The following VTI1A variants were observed in gnomAD, a reference collection of about 807,000 sequenced individuals.
VTI1A encodes the protein vesicle transport through interaction with t-SNAREs 1A, also known as vesicle transport through interaction with t-SNAREs homolog 1A.
Under a neutral mutation model 34.9 loss-of-function variants are expected in VTI1A, and 22 were observed. The ratio of observed to expected loss-of-function variants is 0.63; its 90% CI spans 0.45 to 0.90. The LOEUF (loss-of-function observed/expected upper bound fraction) is 0.90. Ranked by LOEUF, VTI1A falls within the 40% of genes least tolerant of loss-of-function variation. The pLI, the probability that VTI1A is intolerant of heterozygous loss-of-function variation, is 0.00. For missense variants in VTI1A, 268 were observed against 275.6 expected (o/e 0.97, Z 0.20); for synonymous variants, 87 against 97.3 (o/e 0.89, Z 0.62).
Position 112,613,990 on chromosome 10 carries a change from A to T in VTI1A, c.428-54228A>T, listed in dbSNP as rs575947504. Among the ~76,000 whole-genome samples the T allele has an allele frequency of 5.9e-5, 9 of 152,206 alleles. No individual in the cohort carries two copies. The East Asian group carries it at 1.7e-3, about 29-fold the overall frequency. ...TTTTCGTCCATTTTTCCCATTCAGC[A>T]GTCTCTAGAAATCCATGTTTCATAT... On this transcript the variant is annotated intron_variant, in intron 5 of 7. Transcript: ENST00000393077.
intron 3 of VTI1A, among the ~76,000 whole-genome samples, chr10:112,500,289 G>A (rs1458731244): frequency 6.6e-6 from 1 of 152,036 alleles, no homozygotes; most frequent in East Asian, 1.9e-4. Flanking sequence ...ACAAAAATTA[G>A]CTGGGTGTGG....
intron 7 of VTI1A, among the ~76,000 whole-genome samples, chr10:112,746,776 C>A (rs985710486): frequency 2.6e-5 from 4 of 152,202 alleles, no homozygotes; most frequent in African/African-American, 4.8e-5. Flanking sequence ...GCTGCTATCA[C>A]GGCTGATGGA....
chr10:112,526,718 A>C (rs1589863123), intron 3 of VTI1A, among the ~76,000 whole-genome samples: 1 of 152,266 alleles, frequency 6.6e-6, no homozygotes, highest in East Asian at 1.9e-4. Flanking sequence ...GAAAAAAAAA[A>C]ACATATACTC....
At chr10:112,568,117 A>C (rs1327175438) in intron 5 of VTI1A, among the ~76,000 whole-genome samples, 12 of 151,756 alleles carry the variant, frequency 7.9e-5, no homozygotes, top group Admixed American at 2.0e-4. Flanking sequence ...TCAGATATAA[A>C]GAAAAAATAT....
intron 7 of VTI1A, among the ~76,000 whole-genome samples, chr10:112,720,442 G>A (rs533824119): frequency 7.2e-5 from 11 of 152,282 alleles, no homozygotes; most frequent in African/African-American, 2.4e-4. Flanking sequence ...GCTTTGGTTT[G>A]CATTTCCCTA....
At chr10:112,603,944 T>C (rs1844976945) in intron 5 of VTI1A, among the ~76,000 whole-genome samples, 1 of 152,220 alleles carries the variant, frequency 6.6e-6, no homozygotes, top group African/African-American at 2.4e-5. Flanking sequence ...TAAGCCCACC[T>C]GGCTCACTGT....
At chr10:112,623,619 C>G (rs539688295) in intron 5 of VTI1A, among the ~76,000 whole-genome samples, 1 of 152,156 alleles carries the variant, frequency 6.6e-6, no homozygotes, top group East Asian at 1.9e-4. Flanking sequence ...GGTCTTAGAA[C>G]AAGAGATTGG....
chr10:112,497,065 C>G (rs183599238), intron 3 of VTI1A, among the ~76,000 whole-genome samples: 5 of 152,280 alleles, frequency 3.3e-5, no homozygotes, highest in South Asian at 2.1e-4. Flanking sequence ...TGCCTGTAAT[C>G]TCAGCACTTT....
At chr10:112,489,475 T>A (rs1042598572) in intron 3 of VTI1A, among the ~76,000 whole-genome samples, 1 of 152,226 alleles carries the variant, frequency 6.6e-6, no homozygotes, top group Non-Finnish European at 1.5e-5. Flanking sequence ...GAACTGCTCT[T>A]TGGGGAAATT....
At chr10:112,653,536 G>A (rs1447277609) in intron 5 of VTI1A, among the ~76,000 whole-genome samples, 1 of 152,124 alleles carries the variant, frequency 6.6e-6, no homozygotes, top group Non-Finnish European at 1.5e-5. Context: ...GCCAACCTTG[G>A]GCAAATTACT....
intron 5 of VTI1A, among the ~76,000 whole-genome samples, chr10:112,550,920 C>T (rs1020248708): frequency 1.3e-5 from 2 of 152,150 alleles, no homozygotes; most frequent in African/African-American, 4.8e-5. Context: ...TCCTGGTCTA[C>T]ATGAAAAGGT....
chr10:112,820,205 C>A (rs1853629229), downstream of VTI1A, among the ~76,000 whole-genome samples: 1 of 152,240 alleles, frequency 6.6e-6, no homozygotes, highest in Non-Finnish European at 1.5e-5. Context: ...ACATGACAAT[C>A]TGTCCCCCTT....
intron 7 of VTI1A, among the ~76,000 whole-genome samples, chr10:112,790,546 A>G (rs551503623): frequency 3.9e-5 from 6 of 152,222 alleles, no homozygotes; most frequent in Admixed American, 3.3e-4. Flanking sequence ...CGAGTTTGCT[A>G]CTTTTATTGA....
intron 1 of VTI1A, among the ~76,000 whole-genome samples, chr10:112,456,406 A>G (rs1264968758): frequency 6.9e-6 from 1 of 144,432 alleles, no homozygotes; most frequent in Non-Finnish European, 1.5e-5. Context: ...TGGGTGACAA[A>G]GTGAGAGTCC....
intron 3 of VTI1A, among the ~76,000 whole-genome samples, chr10:112,494,337 T>G (rs1032087142): frequency 1.3e-5 from 2 of 152,084 alleles, no homozygotes; most frequent in African/African-American, 4.8e-5. Flanking sequence ...AAAAACAACT[T>G]TTGGTTTCTT....
In VTI1A at chr10:112,619,673, C is replaced by T. The variant is rs149061619; in HGVS notation, c.428-48545C>T. On this transcript the variant is annotated intron_variant, in intron 5 of 7. Transcript: ENST00000393077. ...AGATGCACACAATCGTCATTCTCCT[C>T]GTGACTAGACACAGCTGGGGGAGGA... Among the ~76,000 whole-genome samples, 958 of 152,316 alleles carry T rather than the reference C, an allele frequency of 6.3e-3. 15 individuals are homozygous for T. Among genetic ancestry groups the T allele is most frequent in the African/African-American group, 0.022 (927 of 41,554 alleles).
intron 3 of VTI1A, 123 bp downstream of exon 3, chr10:112,464,780 T>G: frequency 1.3e-6 from 1 of 795,514 alleles, no homozygotes; most frequent in Non-Finnish European, 2.0e-6. Context: ...ACAGCTTTCA[T>G]TCTTTATGAG....
At chr10:112,729,888 A>C (rs959488639) in intron 7 of VTI1A, among the ~76,000 whole-genome samples, 1 of 152,194 alleles carries the variant, frequency 6.6e-6, no homozygotes, top group African/African-American at 2.4e-5. Context: ...TGTGATCAGG[A>C]GAGTTCTACC....
intron 5 of VTI1A, among the ~76,000 whole-genome samples, chr10:112,604,722 A>G (rs1845010727): frequency 6.6e-6 from 1 of 152,240 alleles, no homozygotes; most frequent in South Asian, 2.1e-4. Context: ...TGTGTAAGTT[A>G]AAAGCCAGAA....
Sources: gnomAD v4.1 joint callset for allele counts (sites outside exome capture counted in the v4.1 genomes callset) on GRCh38, gnomAD v4.1.1 for gene constraint, MANE v1.5 for transcripts, NCBI Gene and HGNC (gene_info 2026-07-23, HGNC 2026-07-21) for gene names.